The following PRR33 variants were observed in gnomAD, a reference collection of about 807,000 sequenced individuals.
PRR33 encodes the protein proline rich 33, also known as proline-rich protein 33.
Under a neutral mutation model 0.5 loss-of-function variants are expected in PRR33, and 1 was observed. That is an observed-to-expected ratio of 2.18 (90% CI 0.77 to 10.34). The LOEUF (loss-of-function observed/expected upper bound fraction) is 10.34, where lower values mean the gene tolerates loss of function less well. PRR33 is among the 30% of genes most tolerant of loss of function. PRR33 has a pLI of 0.13. For missense variants in PRR33, 552 were observed against 251.8 expected (o/e 2.19, Z -8.07); for synonymous variants, 226 against 110.0 (o/e 2.06, Z -6.60).
At chr11:1,914,384 G>A in the PRR33 span, among the ~76,000 whole-genome samples, 6 of 150,964 alleles carry the variant, frequency 4.0e-5, no homozygotes, top group African/African-American at 1.5e-4. Flanking sequence ...TTATGTGTGT[G>A]TGTGTTGTGT....
the PRR33 span, among the ~76,000 whole-genome samples, chr11:1,915,084 G>GAT: frequency 1.4e-5 from 2 of 146,084 alleles, no homozygotes; most frequent in African/African-American, 2.5e-5. Flanking sequence ...CACACACCTG[G>GAT]GATGTTTCTC....
chr11:1,901,813 C>G, the PRR33 span, among the ~76,000 whole-genome samples: 61 of 152,312 alleles, frequency 4.0e-4, no homozygotes, highest in African/African-American at 1.4e-3. Context: ...GATGTCCCTC[C>G]CAGACGTTGC....
chr11:1,903,394 C>T, the PRR33 span: 1 of 152,202 alleles, frequency 6.6e-6, no homozygotes. Flanking sequence ...AATCTTCCCA[C>T]CTTGGCCTCT....
the PRR33 span, among the ~76,000 whole-genome samples, chr11:1,909,051 T>C: frequency 6.6e-6 from 1 of 152,214 alleles, no homozygotes; most frequent in Non-Finnish European, 1.5e-5. Flanking sequence ...TAAATAAAGT[T>C]AGGAAGAGCC....
chr11:1,909,341 G>A, the PRR33 span, among the ~76,000 whole-genome samples: 27 of 152,220 alleles, frequency 1.8e-4, no homozygotes, highest in African/African-American at 5.8e-4. Flanking sequence ...GGCCGGGCGC[G>A]GTGGCTCATG....
chr11:1,904,129 A>C, the PRR33 span, among the ~76,000 whole-genome samples: 1 of 152,210 alleles, frequency 6.6e-6, no homozygotes, highest in Admixed American at 6.5e-5. Context: ...CTGCTCTGAG[A>C]GAGCAGAGGG....
At chr11:1,898,115 A>G in the PRR33 span, among the ~76,000 whole-genome samples, 1,734 of 152,356 alleles carry the variant, frequency 0.011, 15 homozygotes, top group Non-Finnish European at 0.018. Context: ...TCCTCTGTTT[A>G]GCTAGTAAGG....
chr11:1,914,853 C>G, the PRR33 span, among the ~76,000 whole-genome samples: 2 of 125,350 alleles, frequency 1.6e-5, no homozygotes, highest in Admixed American at 8.0e-5. Context: ...GGAGATGTTT[C>G]TGTGTGTGTG....
At chr11:1,896,125 T>G (rs942647773), upstream of PRR33, among the ~76,000 whole-genome samples, 5 of 152,222 alleles carry the variant, frequency 3.3e-5, no homozygotes, top group African/African-American at 4.8e-5. Context: ...CTTATATGAA[T>G]TCTTAGAATG....
At chr11:1,912,957 T>C in the PRR33 span, among the ~76,000 whole-genome samples, 1 of 152,216 alleles carries the variant, frequency 6.6e-6, no homozygotes, top group African/African-American at 2.4e-5. Context: ...TTTTTATTTT[T>C]CATTCTATTA....
chr11:1,917,422 A>G, the PRR33 span, among the ~76,000 whole-genome samples: 4 of 152,128 alleles, frequency 2.6e-5, no homozygotes, highest in African/African-American at 9.7e-5. Flanking sequence ...GCATTTGCCA[A>G]TTTCAGAACC....
exon 1 of PRR33, chr11:1,891,108 G>A (rs112626892): frequency 5.1e-5 from 8 of 157,502 alleles, no homozygotes; most frequent in Non-Finnish European, 7.1e-5. Flanking sequence ...GAGGGGTGGC[G>A]GCCAAGAGGC....
the PRR33 span, among the ~76,000 whole-genome samples, chr11:1,913,731 C>T: frequency 5.3e-5 from 8 of 152,378 alleles, no homozygotes; most frequent in Non-Finnish European, 1.0e-4. Context: ...CTGTCTCTCA[C>T]GTGTCCTCTG....
At chr11:1,914,789 G>A in the PRR33 span, among the ~76,000 whole-genome samples, 2 of 142,322 alleles carry the variant, frequency 1.4e-5, no homozygotes, top group Non-Finnish European at 3.0e-5. Flanking sequence ...TGGGTTGTGG[G>A]GTGTACACAC....
At chr11:1,917,224 G>A in the PRR33 span, among the ~76,000 whole-genome samples, 1 of 152,164 alleles carries the variant, frequency 6.6e-6, no homozygotes, top group African/African-American at 2.4e-5. Flanking sequence ...GTCAGCTCAG[G>A]GCATGAGGAG....
chr11:1,893,718 G>A (rs987620527), upstream of PRR33, among the ~76,000 whole-genome samples: 1 of 151,116 alleles, frequency 6.6e-6, no homozygotes, highest in African/African-American at 2.4e-5. Flanking sequence ...TGAATGAAGG[G>A]ATGGATGCAT....
chr11:1,905,122 C>A, the PRR33 span, among the ~76,000 whole-genome samples: 1 of 96,570 alleles, frequency 1.0e-5, no homozygotes, highest in African/African-American at 4.1e-5. Flanking sequence ...CTTGAGAATT[C>A]TTTTTTTTTT....
upstream of PRR33, among the ~76,000 whole-genome samples, chr11:1,894,810 C>T (rs1011590490): frequency 2.6e-5 from 4 of 152,152 alleles, no homozygotes; most frequent in African/African-American, 9.7e-5. Flanking sequence ...CATACATTTC[C>T]TTTACTCTTG....
chr11:1,906,540 C>G, the PRR33 span, among the ~76,000 whole-genome samples: 1 of 152,112 alleles, frequency 6.6e-6, no homozygotes, highest in Non-Finnish European at 1.5e-5. Context: ...CACAAATATT[C>G]CTGAGCTTTG....
Sources: allele counts gnomAD v4.1 joint callset (sites outside exome capture counted in the v4.1 genomes callset), GRCh38; gene constraint gnomAD v4.1.1; transcripts MANE v1.5; gene names NCBI Gene and HGNC (gene_info 2026-07-23, HGNC 2026-07-21).